Variants in CNKSR3 observed in about 807,000 individuals in gnomAD.
The protein encoded by CNKSR3 is connector enhancer of kinase suppressor of ras 3.
A neutral mutation model predicts 67.7 loss-of-function variants in CNKSR3; 36 were observed. The ratio of observed to expected loss-of-function variants is 0.53; its 90% confidence interval spans 0.41 to 0.70. The LOEUF is 0.70. Among genes scored for constraint, CNKSR3 ranks in the 30% least tolerant of loss-of-function variants. CNKSR3 has a pLI of 0.00. For synonymous variants in CNKSR3, 281 were observed against 271.4 expected, an observed-to-expected ratio of 1.04 and a Z score of -0.35; for missense variants, 630 against 695.2, an observed-to-expected ratio of 0.91 and a Z score of 1.05.
intron 1 of CNKSR3, chr6:154,478,250 TCTC>T (rs1315852408): frequency 1.3e-5 from 2 of 152,606 alleles, no homozygotes; most frequent in Non-Finnish European, 2.9e-5. Context: ...TGGGATTCCT[TCTC>T]CTAACACACC....
At chr6:154,473,110 C>T (rs1786366770) in intron 1 of CNKSR3, among the ~76,000 whole-genome samples, 1 of 152,184 alleles carries the variant, frequency 6.6e-6, no homozygotes, top group South Asian at 2.1e-4. Flanking sequence ...CACCATGGTG[C>T]ATCTTAGGCT....
At chr6:154,420,996 AGTTTTTGTTTGTTGGTTG>A (rs1785132598) in intron 9 of CNKSR3, among the ~76,000 whole-genome samples, 1 of 151,922 alleles carries the variant, frequency 6.6e-6, no homozygotes, top group South Asian at 2.1e-4. Context: ...TATTACTGTG[AGTTTTTGTTTGTTGGTTG>A]GTTTTTGTTT....
At chr6:154,503,423 C>T (rs1787036817) in intron 1 of CNKSR3, among the ~76,000 whole-genome samples, 1 of 152,028 alleles carries the variant, frequency 6.6e-6, no homozygotes, top group African/African-American at 2.4e-5. Context: ...ACCAGGAGTT[C>T]CAGACCAGCC....
intron 9 of CNKSR3, among the ~76,000 whole-genome samples, chr6:154,418,375 A>T (rs9478537): frequency 0.37 from 56,228 of 152,046 alleles, 10,985 homozygotes; most frequent in African/African-American, 0.46. Flanking sequence ...TGCTCTAGGA[A>T]ACCTTATCTA....
chr6:154,471,227 G>A (rs1428400561), intron 1 of CNKSR3, among the ~76,000 whole-genome samples: 1 of 152,014 alleles, frequency 6.6e-6, no homozygotes, highest in Non-Finnish European at 1.5e-5. Context: ...ATTTTTATAA[G>A]AACCTTTAAG....
At chr6:154,504,178 T>C (rs1222188963) in intron 1 of CNKSR3, among the ~76,000 whole-genome samples, 1 of 152,212 alleles carries the variant, frequency 6.6e-6, no homozygotes, top group Non-Finnish European at 1.5e-5. Context: ...TGAGGAAATA[T>C]GGCTCAAACT....
At chr6:154,425,158 A>G (rs1316136133) in intron 7 of CNKSR3, among the ~76,000 whole-genome samples, 3 of 152,252 alleles carry the variant, frequency 2.0e-5, no homozygotes, top group South Asian at 4.1e-4. Context: ...CCTACAGTTA[A>G]AGGCCTACTT....
At chr6:154,470,875 C>T (rs968690327) in intron 1 of CNKSR3, among the ~76,000 whole-genome samples, 1 of 152,324 alleles carries the variant, frequency 6.6e-6, no homozygotes, top group Non-Finnish European at 1.5e-5. Flanking sequence ...CCCAGAGGAG[C>T]TGCACCATGT....
At chr6:154,495,202 C>T (rs949944818) in intron 1 of CNKSR3, among the ~76,000 whole-genome samples, 2 of 152,116 alleles carry the variant, frequency 1.3e-5, no homozygotes, top group South Asian at 4.1e-4. Flanking sequence ...TAAGAGAGGG[C>T]ACTGCATTTT....
At position 154,400,268 on chromosome 6, in the gene CNKSR3, G is replaced by C. The variant is rs1225171795; in HGVS notation, c.*6086C>G. On this transcript the variant is annotated 3_prime_UTR_variant, in exon 13 of 13. Transcript: ENST00000607772. ...TGGTCAGTGACATGCAGGAGGAAAC[G>C]CAGGATTAGGACCGACTTTCCTTAG... 2 of 152,174 alleles carry C rather than the reference G, an allele frequency of 1.3e-5. No individual in the cohort carries two copies. The highest frequency in any genetic ancestry group is 2.9e-5 in the Non-Finnish European group (2 of 68,040). The allele number at this position is 152,174 out of a possible 1,614,324, so 9.4% of individuals were successfully genotyped here.
intron 2 of CNKSR3, among the ~76,000 whole-genome samples, chr6:154,447,129 A>G (rs1644652416): frequency 2.6e-5 from 4 of 152,102 alleles, no homozygotes; most frequent in Admixed American, 1.3e-4. Flanking sequence ...CCACAGTCAT[A>G]CTTATCCTTA....
chr6:154,460,456 G>A (rs1049921561), intron 1 of CNKSR3, among the ~76,000 whole-genome samples: 1 of 152,004 alleles, frequency 6.6e-6, no homozygotes, highest in South Asian at 2.1e-4. Context: ...CAAAATGAGA[G>A]ACTCTAAAGA....
chr6:154,461,438 T>C (rs1048254736), intron 1 of CNKSR3, among the ~76,000 whole-genome samples: 2 of 152,140 alleles, frequency 1.3e-5, no homozygotes, highest in African/African-American at 4.8e-5. Flanking sequence ...GATTAAACAA[T>C]TGTAAAATAA....
intron 10 of CNKSR3, among the ~76,000 whole-genome samples, chr6:154,411,384 C>T (rs1021501849): frequency 2.0e-5 from 3 of 152,250 alleles, no homozygotes; most frequent in African/African-American, 7.2e-5. Context: ...CAGCGGCTCC[C>T]GCCTGTAATC....
intron 1 of CNKSR3, among the ~76,000 whole-genome samples, chr6:154,474,621 A>T (rs1170681332): frequency 6.6e-6 from 1 of 152,134 alleles, no homozygotes; most frequent in African/African-American, 2.4e-5. Context: ...AGAGTCAGAG[A>T]TGCCCTTGGG....
chr6:154,437,809 T>C (rs1321287930), intron 4 of CNKSR3, among the ~76,000 whole-genome samples: 4 of 152,204 alleles, frequency 2.6e-5, no homozygotes, highest in Non-Finnish European at 4.4e-5. Flanking sequence ...TATCCTGATA[T>C]ATATTTACAT....
intron 9 of CNKSR3, chr6:154,414,820 C>T (rs1041330051): frequency 1.2e-4 from 58 of 477,134 alleles, no homozygotes; most frequent in African/African-American, 5.7e-4. Context: ...AGGCTGGGCA[C>T]GGCGGTTCTT....
At chr6:154,437,636 G>A (rs888896554) in intron 4 of CNKSR3, among the ~76,000 whole-genome samples, 3 of 151,816 alleles carry the variant, frequency 2.0e-5, no homozygotes, top group Non-Finnish European at 2.9e-5. Context: ...GACTAGTCTC[G>A]AACTCCTGAC....
At chr6:154,485,604 T>G (rs1283823193) in intron 1 of CNKSR3, among the ~76,000 whole-genome samples, 1 of 152,238 alleles carries the variant, frequency 6.6e-6, no homozygotes, top group Non-Finnish European at 1.5e-5. Flanking sequence ...AAATCTGTTC[T>G]TAATACGAAC....
Sources: allele counts gnomAD v4.1 joint callset (sites outside exome capture counted in the v4.1 genomes callset), GRCh38; gene constraint gnomAD v4.1.1; transcripts MANE v1.5; gene names NCBI Gene and HGNC (gene_info 2026-07-23, HGNC 2026-07-21).